Variants in LSM14A observed in about 807,000 individuals in gnomAD.
The protein encoded by LSM14A is LSM14A mRNA processing body assembly factor.
A neutral mutation model predicts 52.4 loss-of-function variants in LSM14A; 14 were observed. That is an observed-to-expected ratio of 0.27 (90% CI 0.18 to 0.42). The LOEUF (loss-of-function observed/expected upper bound fraction) is 0.42. Among genes scored for constraint, LSM14A ranks in the 10% least tolerant of loss-of-function variants. LSM14A has a pLI of 1.00. For missense variants in LSM14A, 417 were observed against 581.8 expected, an observed-to-expected ratio of 0.72 and a Z score of 2.91; for synonymous variants, 185 against 200.3, an observed-to-expected ratio of 0.92 and a Z score of 0.64.
At chr19:34,175,637 A>C (rs537545061) in intron 1 of LSM14A, among the ~76,000 whole-genome samples, 14 of 152,338 alleles carry the variant, frequency 9.2e-5, no homozygotes, top group African/African-American at 3.1e-4. Flanking sequence ...TCTACATGAT[A>C]TTATCTAATC....
intron 2 of LSM14A, chr19:34,195,277 A>G (rs1403689240): frequency 6.6e-6 from 1 of 151,024 alleles, no homozygotes; most frequent in Non-Finnish European, 1.5e-5. Context: ...TCCCAGGTTC[A>G]AGTGATTCTT....
At position 34,178,160 on chromosome 19, in the gene LSM14A, C is replaced by CA. The variant is rs1210486981; in HGVS notation, c.121+5411dup. 6.6e-3 allele frequency among the ~76,000 whole-genome samples: 704 copies of CA among 106,604 alleles called. 3 individuals carry two copies. Among genetic ancestry groups the CA allele is most frequent in the South Asian group, 0.016 (55 of 3,358 alleles). The allele number at this position is 106,604 out of a possible 152,430, so 69.9% of individuals were successfully genotyped here. ...TGGGCAACAGAGCGAGACTCTGTCTCAAAAAAAAAAAAAACACAAAATAAT... is the reference window on the plus strand; with the variant it reads ...TGGGCAACAGAGCGAGACTCTGTCTCAAAAAAAAAAAAAAACACAAAATAAT... On this transcript the variant is annotated intron_variant, in intron 1 of 9. Transcript: ENST00000544216.
intron 3 of LSM14A, among the ~76,000 whole-genome samples, chr19:34,207,403 G>A (rs376439712): frequency 2.4e-4 from 37 of 152,144 alleles, no homozygotes; most frequent in African/African-American, 6.8e-4. Flanking sequence ...CCACATTACC[G>A]GGATATTGTG....
intron 4 of LSM14A, among the ~76,000 whole-genome samples, chr19:34,209,510 TA>T: frequency 6.6e-6 from 1 of 152,302 alleles, no homozygotes; most frequent in Non-Finnish European, 1.5e-5. Flanking sequence ...GGGTGCTTCT[TA>T]AAAATTTAAA....
intron 3 of LSM14A, among the ~76,000 whole-genome samples, chr19:34,200,030 A>C (rs968351530): frequency 6.6e-6 from 1 of 152,230 alleles, no homozygotes; most frequent in Admixed American, 6.5e-5. Flanking sequence ...ATTGCCATGA[A>C]CAATTATGTG....
chr19:34,216,848 T>C (rs868544444), intron 6 of LSM14A, among the ~76,000 whole-genome samples: 1 of 152,262 alleles, frequency 6.6e-6, no homozygotes, highest in African/African-American at 2.4e-5. Flanking sequence ...TCTACTTTTG[T>C]GGTTTTTATG....
chr19:34,208,143 G>A (rs1253354418), intron 3 of LSM14A: 3 of 152,106 alleles, frequency 2.0e-5, no homozygotes, highest in Admixed American at 2.0e-4. Flanking sequence ...GCCACCAGAA[G>A]GTCTAAAGCA....
At chr19:34,207,626 G>C (rs1306375413) in intron 3 of LSM14A, among the ~76,000 whole-genome samples, 1 of 151,370 alleles carries the variant, frequency 6.6e-6, no homozygotes, top group African/African-American at 2.4e-5. Context: ...CCACCTCCCA[G>C]GTTCAAGCAA....
chr19:34,216,406 CTG>C lies in LSM14A; in HGVS notation c.781+747_781+748del, dbSNP rs2072596013. ...CCAGCCTAGGCGACAGAGCCAGACTCTGTCTCAAAAAAAAAAAAATTTTACTT... is the reference window on the plus strand; with the variant it reads ...CCAGCCTAGGCGACAGAGCCAGACTCTCTCAAAAAAAAAAAAATTTTACTT... On this transcript the variant is annotated intron_variant, in intron 6 of 9. Transcript: ENST00000544216. Among the ~76,000 whole-genome samples, 6 of 149,790 alleles carry C rather than the reference CTG, an allele frequency of 4.0e-5. No homozygotes were observed. The South Asian group carries it at 1.3e-3, about 32-fold the overall frequency.
intron 9 of LSM14A, 171 bp downstream of exon 9, chr19:34,221,909 A>T: frequency 2.3e-6 from 3 of 1,316,934 alleles, no homozygotes; most frequent in Non-Finnish European, 3.0e-6. Flanking sequence ...TAAAGACATT[A>T]TACAAAAAAA....
chr19:34,205,340 G>C (rs1486149961), intron 3 of LSM14A, among the ~76,000 whole-genome samples: 2 of 151,402 alleles, frequency 1.3e-5, no homozygotes, highest in South Asian at 4.2e-4. Context: ...ACAAAAATTA[G>C]CCAGGTATGA....
At chr19:34,226,702 G>A (rs1036529326) in intron 9 of LSM14A, among the ~76,000 whole-genome samples, 5 of 152,144 alleles carry the variant, frequency 3.3e-5, no homozygotes, top group Admixed American at 2.0e-4. Context: ...GTAGCAGCTG[G>A]TCTAGAGGAA....
chr19:34,221,773 A>C, intron 9 of LSM14A, 35 bp downstream of exon 9: 1 of 1,581,102 alleles, frequency 6.3e-7, no homozygotes, highest in Non-Finnish European at 8.6e-7. Context: ...TTTGGGGTTG[A>C]CATGCATTTT....
intron 3 of LSM14A, among the ~76,000 whole-genome samples, chr19:34,206,017 T>C (rs886632671): frequency 6.6e-6 from 1 of 152,094 alleles, no homozygotes; most frequent in African/African-American, 2.4e-5. Context: ...AATGTGATAG[T>C]TTGGATGAAG....
In LSM14A at chr19:34,209,063, C is replaced by T; in HGVS notation, c.538+12C>T. 6.4e-7 allele frequency: 1 copy of T among 1,550,684 alleles called. No individual in the cohort carries two copies. ...ACAGTTATCTCAAGGTAAGCTATCT[C>T]ATCCCTAAAATATTTCCATTCTAAA... On this transcript the variant is annotated intron_variant, in intron 4 of 9. Coordinates refer to ENST00000544216, the MANE Select transcript of LSM14A (RefSeq NM_015578.4).
rs573161406 is a variant in LSM14A, at chr19:34,176,524, A to G, written c.121+3761A>G. Among the ~76,000 whole-genome samples, 17 of 152,290 alleles carry G rather than the reference A, an allele frequency of 1.1e-4. No individual in the cohort carries two copies. The East Asian group carries it at 2.5e-3, about 22-fold the overall frequency. ...CTTCTGACATTTATAGTTTTACCAT[A>G]TAAGTTTACATCTCTAAATAATAGA... On this transcript the variant is annotated intron_variant, in intron 1 of 9. Transcript: ENST00000544216.
intron 9 of LSM14A, among the ~76,000 whole-genome samples, chr19:34,225,272 A>G (rs1445004762): frequency 6.6e-6 from 1 of 152,136 alleles, no homozygotes; most frequent in African/African-American, 2.4e-5. Flanking sequence ...CCAGAGTTGA[A>G]TAATCCTTTC....
At chr19:34,214,565 T>C (rs1420282963) in intron 4 of LSM14A, among the ~76,000 whole-genome samples, 1 of 152,168 alleles carries the variant, frequency 6.6e-6, no homozygotes. Context: ...TGCTTCAGCC[T>C]CCCAAAGGAC....
At chr19:34,182,841 C>CAAAA (rs34045024) in intron 1 of LSM14A, among the ~76,000 whole-genome samples, 13 of 122,382 alleles carry the variant, frequency 1.1e-4, no homozygotes, top group African/African-American at 3.4e-4. Context: ...GACTCCATCT[C>CAAAA]AAAAAAAAAA....
Sources: gnomAD v4.1 joint callset for allele counts (sites outside exome capture counted in the v4.1 genomes callset) on GRCh38, gnomAD v4.1.1 for gene constraint, MANE v1.5 for transcripts, NCBI Gene and HGNC (gene_info 2026-07-23, HGNC 2026-07-21) for gene names.